TMEM65: variants seen among roughly 807,000 people sequenced by gnomAD.
TMEM65 encodes the protein transmembrane protein 65.
In TMEM65, 22 loss-of-function variants were observed where a neutral mutation model predicts 25.4. The ratio of observed to expected loss-of-function variants is 0.86; its 90% CI spans 0.62 to 1.23. The LOEUF (loss-of-function observed/expected upper bound fraction) is 1.23. Ranked by LOEUF, TMEM65 falls within the 50% of genes most tolerant of loss-of-function variation. The pLI is 0.00. For missense variants in TMEM65, 262 were observed against 308.2 expected (o/e 0.85, Z 1.12); for synonymous variants, 132 against 126.2 (o/e 1.05, Z -0.31).
At chr8:124,329,422 T>A in intron 2 of TMEM65, among the ~76,000 whole-genome samples, 1 of 149,558 alleles carries the variant, frequency 6.7e-6, no homozygotes, top group East Asian at 2.0e-4. Context: ...TAGGATTAAT[T>A]AGCATTTTGG....
chr8:124,343,624 A>C (rs1284762052), intron 1 of TMEM65, among the ~76,000 whole-genome samples: 1 of 152,110 alleles, frequency 6.6e-6, no homozygotes, highest in African/African-American at 2.4e-5. Context: ...TATACCAATC[A>C]GAGACCTCAA....
intron 1 of TMEM65, among the ~76,000 whole-genome samples, chr8:124,354,797 T>C (rs552451817): frequency 6.6e-6 from 1 of 152,302 alleles, no homozygotes; most frequent in South Asian, 2.1e-4. Context: ...AATCAACTAC[T>C]TGCATGTTAA....
At position 124,361,875 on chromosome 8, in the gene TMEM65, GA is replaced by G. The variant is rs35936712; in HGVS notation, c.304+9978del. Among the ~76,000 whole-genome samples the G allele has an allele frequency of 5.9e-3, 897 of 151,926 alleles. 9 individuals carry two copies. Among genetic ancestry groups the G allele is most frequent in the South Asian group, 0.014 (68 of 4,806 alleles). ...TAAATAAATAATTTTTAAAAAGCAA[GA>G]TTTTTTTTGTCGGTTTTTTGGAGGG... On this transcript the variant is annotated intron_variant, in intron 1 of 6. Coordinates refer to ENST00000297632, the MANE Select transcript of TMEM65 (RefSeq NM_194291.3).
chr8:124,371,729 GAGGGGGGCGGA>G, intron 1 of TMEM65, 114 bp downstream of exon 1: 2 of 962,980 alleles, frequency 2.1e-6, no homozygotes, highest in Non-Finnish European at 1.4e-6. Flanking sequence ...CCAGACAGGC[GAGGGGGGCGGA>G]AGGGGGGCGG....
chr8:124,348,024 GGGGTTACAGGCAGTAGCCA>G (rs200937984), intron 1 of TMEM65, among the ~76,000 whole-genome samples: 12,158 of 151,968 alleles, frequency 0.08, 534 homozygotes, highest in African/African-American at 0.13. Context: ...CCGAGAAGCT[GGGGTTACAGGCAGTAGCCA>G]GGGTTACAGG....
Position 124,313,917 on chromosome 8 carries a change from G to T in TMEM65, c.*43C>A. ...TGTTGTGACAGCATATTTAATTACT[G>T]AGGTACATTAGTTTACATCTTTTTA... On this transcript the variant is annotated 3_prime_UTR_variant, in exon 7 of 7. Transcript: ENST00000297632. 7.7e-7 allele frequency: 1 copy of T among 1,301,464 alleles called. No individual in the cohort carries two copies. The highest frequency in any genetic ancestry group is 1.1e-6 in the Non-Finnish European group (1 of 906,728). The allele number at this position is 1,301,464 out of a possible 1,614,324, so 80.6% of individuals were successfully genotyped here. A position where few individuals can be genotyped will look rare whatever the true frequency, so the allele number is the denominator to read the frequency against.
chr8:124,330,181 A>C (rs1814414046), intron 2 of TMEM65, among the ~76,000 whole-genome samples: 1 of 151,926 alleles, frequency 6.6e-6, no homozygotes, highest in East Asian at 1.9e-4. Flanking sequence ...TAAATAATTC[A>C]CTTCTTCCAT....
intron 1 of TMEM65, among the ~76,000 whole-genome samples, chr8:124,361,239 G>C (rs921519702): frequency 1.3e-5 from 2 of 151,626 alleles, no homozygotes; most frequent in Admixed American, 1.3e-4. Flanking sequence ...TTCAAGACCA[G>C]CCTGGCCAAC....
chr8:124,339,075 G>C (rs1287964184), intron 1 of TMEM65, among the ~76,000 whole-genome samples: 1 of 150,484 alleles, frequency 6.6e-6, no homozygotes, highest in African/African-American at 2.5e-5. Context: ...TGTAGTCCCA[G>C]CTACTCAGGA....
chr8:124,365,520 A>G (rs1430486342), intron 1 of TMEM65, among the ~76,000 whole-genome samples: 6 of 152,200 alleles, frequency 3.9e-5, no homozygotes, highest in Non-Finnish European at 8.8e-5. Context: ...TAGGATGAAT[A>G]ATGGCCCCCA....
At chr8:124,363,374 G>A (rs1814896321) in intron 1 of TMEM65, among the ~76,000 whole-genome samples, 1 of 152,096 alleles carries the variant, frequency 6.6e-6, no homozygotes, top group African/African-American at 2.4e-5. Context: ...TAATTATGGT[G>A]ATTATTTTAA....
chr8:124,336,463 A>G (rs1338010479), intron 1 of TMEM65, among the ~76,000 whole-genome samples: 1 of 152,020 alleles, frequency 6.6e-6, no homozygotes, highest in African/African-American at 2.4e-5. Context: ...CTGATCCACA[A>G]AACATGTTAA....
In TMEM65 at chr8:124,327,290, T is replaced by C; in HGVS notation, c.417+64A>G. The C allele has an allele frequency of 1.5e-5, 16 of 1,101,754 alleles. 1 individual carries two copies. The highest frequency in any genetic ancestry group is 2.1e-5 in the Non-Finnish European group (16 of 754,506). The allele number at this position is 1,101,754 out of a possible 1,614,324, so 68.2% of individuals were successfully genotyped here. ...TTTATAATCACAATAGAAAAATTAT[T>C]AGGAAAATGTAGACCACATTAATTT... On this transcript the variant is annotated intron_variant, in intron 3 of 6. Transcript: ENST00000297632.
chr8:124,323,581 T>G (rs1563590257), intron 3 of TMEM65, among the ~76,000 whole-genome samples: 1 of 152,102 alleles, frequency 6.6e-6, no homozygotes, highest in African/African-American at 2.4e-5. Context: ...TAACATTTTA[T>G]TCATTCAAAT....
Position 124,311,556 on chromosome 8 carries a change from G to T in TMEM65, c.*2404C>A, listed in dbSNP as rs569256186. The T allele has an allele frequency of 3.3e-5, 5 of 152,676 alleles. No individual in the cohort carries two copies. Among genetic ancestry groups the T allele is most frequent in the Admixed American group, 3.3e-4 (5 of 15,288 alleles). 9.5% of individuals were successfully genotyped at this position (152,676 alleles called of 1,614,324 possible). A position where few individuals can be genotyped will look rare whatever the true frequency, so the allele number is the denominator to read the frequency against. On this transcript the variant is annotated 3_prime_UTR_variant, in exon 7 of 7. Transcript: ENST00000297632. ...AAACAGGACTAAAGTAGCTCATGTT[G>T]CATTTAACTATGGTTCTTGTGCTCC...
At chr8:124,357,965 G>A (rs1001062212) in intron 1 of TMEM65, among the ~76,000 whole-genome samples, 3 of 151,190 alleles carry the variant, frequency 2.0e-5, no homozygotes, top group African/African-American at 7.3e-5. Context: ...GAGTAGCTTG[G>A]ATTACAGGCA....
chr8:124,320,252 C>A, intron 5 of TMEM65, 61 bp from the exon 6 acceptor site: 2 of 1,307,258 alleles, frequency 1.5e-6, no homozygotes, highest in Non-Finnish European at 1.1e-6. Context: ...TTTACAAAAG[C>A]AAACAAAACA....
At chr8:124,370,269 G>A (rs187201966) in intron 1 of TMEM65, among the ~76,000 whole-genome samples, 1 of 152,000 alleles carries the variant, frequency 6.6e-6, no homozygotes, top group African/African-American at 2.4e-5. Context: ...ATATTCATAG[G>A]GCCCTCCAAT....
chr8:124,322,035 A>G (rs1054245970), intron 5 of TMEM65, 70 bp downstream of exon 5: 4 of 1,090,378 alleles, frequency 3.7e-6, no homozygotes, highest in South Asian at 1.6e-5. Context: ...ATGCTTCTCA[A>G]TTAAAGAAGA....
Sources: gnomAD v4.1 joint callset for allele counts (sites outside exome capture counted in the v4.1 genomes callset) on GRCh38, gnomAD v4.1.1 for gene constraint, MANE v1.5 for transcripts, NCBI Gene and HGNC (gene_info 2026-07-23, HGNC 2026-07-21) for gene names.